KCNIP4: variants seen among roughly 807,000 people sequenced by gnomAD.
KCNIP4 encodes the protein Kv channel-interacting protein 4.
Under a neutral mutation model 34.0 loss-of-function variants are expected in KCNIP4, and 12 were observed. That is an observed-to-expected ratio of 0.35 (90% CI 0.23 to 0.57). KCNIP4 has a LOEUF of 0.57. Among genes scored for constraint, KCNIP4 ranks in the 20% least tolerant of loss-of-function variants. The pLI, the probability that KCNIP4 is intolerant of heterozygous loss-of-function variation, is 0.83. For missense variants in KCNIP4, 238 were observed against 311.7 expected (o/e 0.76, Z 1.78); for synonymous variants, 124 against 102.2 (o/e 1.21, Z -1.29).
chr4:21,895,879 T>C (rs1727357790), intron 1 of KCNIP4, among the ~76,000 whole-genome samples: 1 of 152,146 alleles, frequency 6.6e-6, no homozygotes, highest in Non-Finnish European at 1.5e-5. Context: ...TATACCTCTC[T>C]TTTTCTATCA....
intron 1 of KCNIP4, among the ~76,000 whole-genome samples, chr4:21,217,788 A>C (rs2108992207): frequency 6.6e-6 from 1 of 152,222 alleles, no homozygotes; most frequent in East Asian, 1.9e-4. Flanking sequence ...AGAAACTTTG[A>C]TTTATAGGAG....
intron 5 of KCNIP4, among the ~76,000 whole-genome samples, chr4:20,749,390 T>TA (rs757354992): frequency 1.3e-5 from 2 of 152,166 alleles, no homozygotes; most frequent in African/African-American, 2.4e-5. Flanking sequence ...AACTGTTAGT[T>TA]AACTCATTTG....
intron 1 of KCNIP4, among the ~76,000 whole-genome samples, chr4:21,603,546 T>C (rs1743383597): frequency 6.6e-6 from 1 of 152,176 alleles, no homozygotes; most frequent in Admixed American, 6.5e-5. Flanking sequence ...CAACTACTTT[T>C]GAATATTTTG....
intron 5 of KCNIP4, among the ~76,000 whole-genome samples, chr4:20,743,228 C>A (rs1394785598): frequency 6.6e-6 from 1 of 152,152 alleles, no homozygotes; most frequent in Non-Finnish European, 1.5e-5. Context: ...CCATCCCCAT[C>A]AAGCTACCAA....
At chr4:21,370,832 TATATATATATATATATATACACACAC>T (rs1290061778) in intron 1 of KCNIP4, among the ~76,000 whole-genome samples, 3 of 32,268 alleles carry the variant, frequency 9.3e-5, no homozygotes, top group African/African-American at 1.8e-4. Flanking sequence ...TATATATATA[TATATATATATATATATATACACACAC>T]ACACACACAC....
chr4:20,789,256 T>A (rs900565902), intron 3 of KCNIP4, among the ~76,000 whole-genome samples: 2 of 152,132 alleles, frequency 1.3e-5, no homozygotes, highest in African/African-American at 4.8e-5. Context: ...ACCAACATTT[T>A]AAAAATTTGG....
chr4:21,629,249 A>G (rs533381871), intron 1 of KCNIP4, among the ~76,000 whole-genome samples: 5 of 152,358 alleles, frequency 3.3e-5, no homozygotes, highest in South Asian at 4.1e-4. Flanking sequence ...AGTTATCACA[A>G]TGATACTTGA....
intron 1 of KCNIP4, among the ~76,000 whole-genome samples, chr4:20,898,641 C>T (rs774686218): frequency 2.6e-5 from 4 of 152,160 alleles, no homozygotes; most frequent in Non-Finnish European, 5.9e-5. Flanking sequence ...GCTTTTACTG[C>T]TTTATATCTA....
intron 3 of KCNIP4, among the ~76,000 whole-genome samples, chr4:20,812,778 G>T (rs1216216392): frequency 6.6e-6 from 1 of 151,942 alleles, no homozygotes; most frequent in African/African-American, 2.4e-5. Flanking sequence ...ATAATGCTTG[G>T]GATGAGGGAA....
At chr4:21,358,502 C>A (rs1578124968) in intron 1 of KCNIP4, among the ~76,000 whole-genome samples, 1 of 152,024 alleles carries the variant, frequency 6.6e-6, no homozygotes, top group East Asian at 1.9e-4. Flanking sequence ...TCAAACAAGA[C>A]CAAAACAGTG....
At chr4:21,926,221 G>A (rs193024810) in intron 1 of KCNIP4, among the ~76,000 whole-genome samples, 4 of 152,224 alleles carry the variant, frequency 2.6e-5, no homozygotes, top group Admixed American at 6.5e-5. Context: ...CTTCTAGAAC[G>A]TCAGTATTGT....
At chr4:21,616,386 C>T (rs1486205915) in intron 1 of KCNIP4, among the ~76,000 whole-genome samples, 3 of 151,970 alleles carry the variant, frequency 2.0e-5, no homozygotes, top group Admixed American at 1.3e-4. Context: ...GACTGCTCTT[C>T]CCTCTTGAGA....
At chr4:21,451,020 G>C (rs143593261) in intron 1 of KCNIP4, among the ~76,000 whole-genome samples, 1 of 152,208 alleles carries the variant, frequency 6.6e-6, no homozygotes, top group Non-Finnish European at 1.5e-5. Flanking sequence ...TTTAAACACA[G>C]AGCAAAAACG....
At chr4:20,790,586 T>C (rs1321848201) in intron 3 of KCNIP4, among the ~76,000 whole-genome samples, 1 of 152,138 alleles carries the variant, frequency 6.6e-6, no homozygotes, top group Admixed American at 6.6e-5. Context: ...AACTTTTTTG[T>C]TAAAAACCAT....
chr4:20,927,934 G>T (rs2149596108), intron 1 of KCNIP4, among the ~76,000 whole-genome samples: 1 of 152,078 alleles, frequency 6.6e-6, no homozygotes, highest in South Asian at 2.1e-4. Flanking sequence ...ATTGTTTCTA[G>T]GGCTTGTTAA....
rs572750306 is a variant in KCNIP4 at position 20,810,494 on chromosome 4, A to T, written c.288+40049T>A. 7.9e-5 allele frequency among the ~76,000 whole-genome samples: 12 copies of T among 151,936 alleles called. No individual in the cohort carries two copies. In the South Asian group the frequency reaches 2.5e-3, roughly 32 times the overall value. On this transcript the variant is annotated intron_variant, in intron 3 of 8. Transcript: ENST00000382152. ...GAGAGAGAGAGACAGAGAGAGACCA[A>T]CTGAGACTAAAGCTATGTCTGTATG...
intron 1 of KCNIP4, among the ~76,000 whole-genome samples, chr4:21,222,376 G>A (rs1758044310): frequency 6.6e-6 from 1 of 152,056 alleles, no homozygotes; most frequent in Admixed American, 6.6e-5. Flanking sequence ...TTTAGAAATA[G>A]GTCCAGTATA....
chr4:21,942,142 G>A (rs745364399), intron 1 of KCNIP4, among the ~76,000 whole-genome samples: 3 of 152,186 alleles, frequency 2.0e-5, no homozygotes, highest in Admixed American at 1.3e-4. Context: ...AAAAGGAAAT[G>A]CACCTGAGGA....
At chr4:21,806,500 G>T (rs530513245) in intron 1 of KCNIP4, among the ~76,000 whole-genome samples, 53 of 152,240 alleles carry the variant, frequency 3.5e-4, no homozygotes, top group African/African-American at 1.3e-3. Context: ...GAAGAATCTT[G>T]TTACAACCTA....
Sources: gnomAD v4.1 joint callset for allele counts (sites outside exome capture counted in the v4.1 genomes callset) on GRCh38, gnomAD v4.1.1 for gene constraint, MANE v1.5 for transcripts, NCBI Gene and HGNC (gene_info 2026-07-23, HGNC 2026-07-21) for gene names.